Variants in LIMCH1 observed in about 807,000 individuals in gnomAD.
LIMCH1 encodes LIM and calponin homology domains-containing protein 1.
In LIMCH1, 113 loss-of-function variants were observed where a neutral mutation model predicts 176.5. The ratio of observed to expected loss-of-function variants is 0.64; its 90% CI spans 0.55 to 0.75. The LOEUF (loss-of-function observed/expected upper bound fraction) is 0.75, where lower values mean the gene tolerates loss of function less well. LIMCH1 is among the 30% of genes least tolerant of loss of function. The pLI is 0.00. For synonymous variants in LIMCH1, 619 were observed against 645.9 expected (o/e 0.96, Z 0.63); for missense variants, 1,674 against 1,814.9 (o/e 0.92, Z 1.41).
intron 1 of LIMCH1, chr4:41,386,060 G>A (rs1029535179): frequency 1.3e-5 from 2 of 152,196 alleles, no homozygotes; most frequent in African/African-American, 4.8e-5. Context: ...ATAATACATA[G>A]TCAATGAATT....
At chr4:41,663,684 A>C (rs996029528) in intron 20 of LIMCH1, among the ~76,000 whole-genome samples, 2 of 151,976 alleles carry the variant, frequency 1.3e-5, no homozygotes, top group African/African-American at 4.8e-5. Flanking sequence ...CATCAGTTAC[A>C]CCAGTTGTTC....
intron 2 of LIMCH1, among the ~76,000 whole-genome samples, chr4:41,600,870 G>A (rs182390221): frequency 3.9e-4 from 59 of 152,264 alleles, no homozygotes; most frequent in Non-Finnish European, 7.5e-4. Flanking sequence ...CAAGTGACAC[G>A]TGGATACAGT....
At chr4:41,630,156 A>G (rs1040464029) in intron 9 of LIMCH1, among the ~76,000 whole-genome samples, 3 of 152,016 alleles carry the variant, frequency 2.0e-5, no homozygotes, top group East Asian at 1.9e-4. Context: ...GGGTCTTGCT[A>G]TGTTGCTCAG....
chr4:41,408,095 G>A (rs1167899735), intron 1 of LIMCH1, among the ~76,000 whole-genome samples: 2 of 152,128 alleles, frequency 1.3e-5, no homozygotes, highest in African/African-American at 2.4e-5. Context: ...ATGTCAGGTC[G>A]AATGAATGAG....
chr4:41,546,358 CG>C (rs2079395702), intron 1 of LIMCH1, among the ~76,000 whole-genome samples: 1 of 151,912 alleles, frequency 6.6e-6, no homozygotes, highest in African/African-American at 2.4e-5. Context: ...AGGCTGGTCT[CG>C]AATTCCTGAG....
intron 13 of LIMCH1, among the ~76,000 whole-genome samples, chr4:41,637,039 C>T (rs2093622592): frequency 6.6e-6 from 1 of 152,182 alleles, no homozygotes; most frequent in Non-Finnish European, 1.5e-5. Context: ...GATTAACCAT[C>T]CATTGGGAAG....
chr4:41,487,155 G>A (rs537683417), intron 1 of LIMCH1, among the ~76,000 whole-genome samples: 21 of 152,176 alleles, frequency 1.4e-4, no homozygotes, highest in Non-Finnish European at 2.1e-4. Flanking sequence ...CACCACGCCC[G>A]GCCGAGAATC....
intron 1 of LIMCH1, among the ~76,000 whole-genome samples, chr4:41,546,529 G>GT (rs1319024306): frequency 3.3e-5 from 5 of 151,524 alleles, no homozygotes; most frequent in South Asian, 2.1e-4. Flanking sequence ...AATCAATGTG[G>GT]TTTTTTTTCT....
chr4:41,360,947 G>T lies in LIMCH1; in HGVS notation c.96+11G>T. 6.4e-7 allele frequency: 1 copy of T among 1,560,954 alleles called. No individual in the cohort carries two copies. The highest frequency in any genetic ancestry group is 8.7e-7 in the Non-Finnish European group (1 of 1,155,902). Reference sequence around the variant, plus strand: ...CAGAAGTGGATTGAGGTAGGTGCGGGTGGCTGGCGGGCGGCCTTGCACTGG... The same window carrying T: ...CAGAAGTGGATTGAGGTAGGTGCGGTTGGCTGGCGGGCGGCCTTGCACTGG... On this transcript the variant is annotated intron_variant, in intron 1 of 26. Coordinates refer to the LIMCH1 transcript ENST00000313860. The surrounding 1 kb of genome is among the most constrained non-coding windows in gnomAD (Gnocchi z 4.5).
intron 1 of LIMCH1, among the ~76,000 whole-genome samples, chr4:41,387,428 T>A (rs1166475105): frequency 6.6e-6 from 1 of 152,220 alleles, no homozygotes; most frequent in Non-Finnish European, 1.5e-5. Flanking sequence ...CATAAAGCAA[T>A]CAAAGGATAG....
chr4:41,547,888 T>TAA (rs1156363116), intron 1 of LIMCH1, among the ~76,000 whole-genome samples: 1 of 140,866 alleles, frequency 7.1e-6, no homozygotes, highest in East Asian at 2.1e-4. Flanking sequence ...TATATATATA[T>TAA]ATATATATAA....
intron 6 of LIMCH1, 113 bp from the exon 7 acceptor site, chr4:41,620,311 A>G: frequency 9.5e-7 from 1 of 1,056,830 alleles, no homozygotes; most frequent in African/African-American, 1.6e-5. Context: ...ATTGTGTGCT[A>G]TGACTTTCTT....
intron 22 of LIMCH1, among the ~76,000 whole-genome samples, chr4:41,675,816 G>A (rs1440139683): frequency 1.3e-5 from 2 of 152,198 alleles, no homozygotes; most frequent in Non-Finnish European, 2.9e-5. Context: ...TTGAGCTTGA[G>A]TGTTTGTGTC....
chr4:41,571,829 G>C (rs147980583), intron 1 of LIMCH1, among the ~76,000 whole-genome samples: 4 of 152,248 alleles, frequency 2.6e-5, no homozygotes, highest in Admixed American at 6.5e-5. Context: ...GGCTTTTATA[G>C]GGTTTGATGT....
At chr4:41,635,291 G>A (rs970802499) in intron 13 of LIMCH1, among the ~76,000 whole-genome samples, 2 of 151,866 alleles carry the variant, frequency 1.3e-5, no homozygotes, top group Non-Finnish European at 2.9e-5. Context: ...TGGAGTGCAG[G>A]GCCCGATCTC....
At chr4:41,468,377 T>TCTCC (rs78015075) in intron 1 of LIMCH1, among the ~76,000 whole-genome samples, 22 of 72,422 alleles carry the variant, frequency 3.0e-4, no homozygotes, top group African/African-American at 8.4e-4. Context: ...CCCCCTCCTC[T>TCTCC]CTCCCTCCCT....
At chr4:41,685,216 T>G (rs1719714838) in intron 27 of LIMCH1, among the ~76,000 whole-genome samples, 1 of 152,244 alleles carries the variant, frequency 6.6e-6, no homozygotes, top group South Asian at 2.1e-4. Context: ...TTTAGCTTGT[T>G]GTCTATACAC....
rs189485936 is a variant in LIMCH1 at position 41,462,655 on chromosome 4, T to C, written c.97-31881T>C. Reference sequence around the variant, plus strand: ...AAATTTTGAACTTTTATACATAACATAAACTGAAAAGAGCACAAGTTTTAT... The same window carrying C: ...AAATTTTGAACTTTTATACATAACACAAACTGAAAAGAGCACAAGTTTTAT... On this transcript the variant is annotated intron_variant, in intron 1 of 26. Coordinates refer to the LIMCH1 transcript ENST00000313860. Among the ~76,000 whole-genome samples, 209 of 152,302 alleles carry C rather than the reference T, an allele frequency of 1.4e-3. 3 individuals carry two copies. The highest frequency in any genetic ancestry group is 5.3e-3 in the Admixed American group (81 of 15,304).
intron 1 of LIMCH1, among the ~76,000 whole-genome samples, chr4:41,455,467 T>G (rs900831372): frequency 6.6e-6 from 1 of 152,238 alleles, no homozygotes; most frequent in African/African-American, 2.4e-5. Context: ...GCTTTCATCC[T>G]GCTGGGTGCA....
Sources: gnomAD v4.1 joint callset for allele counts (sites outside exome capture counted in the v4.1 genomes callset) on GRCh38, gnomAD v4.1.1 for gene constraint, Gnocchi (gnomAD v3.1) non-coding constraint, MANE v1.5 for transcripts, NCBI Gene and HGNC (gene_info 2026-07-23, HGNC 2026-07-21) for gene names.